Variants in ATXN1 observed in about 807,000 individuals in gnomAD.
The protein encoded by ATXN1 is ataxin 1, also known as ataxin-1.
Under a neutral mutation model 56.4 loss-of-function variants are expected in ATXN1, and 8 were observed. The observed-to-expected ratio is 0.14, with a 90% CI of 0.08 to 0.26. The LOEUF is 0.26. ATXN1 is among the 10% of genes least tolerant of loss of function. The pLI is 1.00. For synonymous variants in ATXN1, 514 were observed against 494.6 expected, an observed-to-expected ratio of 1.04 and a Z score of -0.52; for missense variants, 987 against 1,106.5, an observed-to-expected ratio of 0.89 and a Z score of 1.53.
intron 5 of ATXN1, among the ~76,000 whole-genome samples, chr6:16,495,600 C>T (rs768312058): frequency 7.2e-5 from 11 of 152,298 alleles, no homozygotes; most frequent in South Asian, 6.2e-4. Context: ...TGGTGGCTTA[C>T]GCCTATAATC....
intron 2 of ATXN1, among the ~76,000 whole-genome samples, chr6:16,729,665 G>A (rs79996628): frequency 0.046 from 6,975 of 152,228 alleles, 274 homozygotes; most frequent in Admixed American, 0.12. Flanking sequence ...TGAGTTGGGG[G>A]AACCTACCAA....
chr6:16,337,369 C>G (rs1482551187), intron 6 of ATXN1, among the ~76,000 whole-genome samples: 1 of 152,178 alleles, frequency 6.6e-6, no homozygotes. Context: ...GCTGGAGGAT[C>G]AGCCTGGATG....
chr6:16,401,550 T>G (rs1355347826), intron 6 of ATXN1, among the ~76,000 whole-genome samples: 1 of 152,184 alleles, frequency 6.6e-6, no homozygotes, highest in Non-Finnish European at 1.5e-5. Context: ...GGACTTTTAG[T>G]TGGGGCAGAT....
At chr6:16,391,534 C>T (rs1302509772) in intron 6 of ATXN1, among the ~76,000 whole-genome samples, 1 of 152,174 alleles carries the variant, frequency 6.6e-6, no homozygotes, top group Non-Finnish European at 1.5e-5. Context: ...ACATGTTTCT[C>T]TGTGACGGAG....
chr6:16,444,396 C>T (rs1759592120), intron 6 of ATXN1, among the ~76,000 whole-genome samples: 1 of 152,152 alleles, frequency 6.6e-6, no homozygotes, highest in Non-Finnish European at 1.5e-5. Context: ...TCAAAGACAG[C>T]CAGTATTGGA....
intron 4 of ATXN1, among the ~76,000 whole-genome samples, chr6:16,557,742 G>A (rs1762040638): frequency 6.6e-6 from 1 of 152,194 alleles, no homozygotes; most frequent in African/African-American, 2.4e-5. Flanking sequence ...GCACTTTAGT[G>A]GGAGGAAGGA....
chr6:16,531,035 T>G (rs1022776031), intron 4 of ATXN1, among the ~76,000 whole-genome samples: 5 of 152,206 alleles, frequency 3.3e-5, no homozygotes, highest in Non-Finnish European at 5.9e-5. Flanking sequence ...GGTCAAGGTA[T>G]TGAAGAGAAT....
intron 4 of ATXN1, among the ~76,000 whole-genome samples, chr6:16,524,454 C>T (rs1253505033): frequency 6.6e-6 from 1 of 152,218 alleles, no homozygotes; most frequent in Non-Finnish European, 1.5e-5. Context: ...GACGAGACGT[C>T]TACAGTACGA....
chr6:16,315,790 G>T (rs1372017163), intron 7 of ATXN1, among the ~76,000 whole-genome samples: 1 of 152,106 alleles, frequency 6.6e-6, no homozygotes, highest in Non-Finnish European at 1.5e-5. Flanking sequence ...AGCCGCCTGA[G>T]TAGTTGGGAC....
Position 16,613,932 on chromosome 6 carries a change from T to C in ATXN1, c.-488-28025A>G, listed in dbSNP as rs551352782. ...AAAATCCTGATCAAAAAAATTATTA[T>C]AGACAAACTTTTAGGGGTGGGGAGG... On this transcript the variant is annotated intron_variant, in intron 3 of 7. Coordinates refer to ENST00000436367, the MANE Select transcript of ATXN1 (RefSeq NM_001128164.2). Among the ~76,000 whole-genome samples the C allele has an allele frequency of 2.4e-4, 36 of 152,010 alleles. No homozygotes were observed. In the East Asian group the frequency reaches 6.4e-3, roughly 27 times the overall value.
At chr6:16,489,981 C>A (rs1182216928) in intron 5 of ATXN1, among the ~76,000 whole-genome samples, 1 of 152,012 alleles carries the variant, frequency 6.6e-6, no homozygotes, top group East Asian at 1.9e-4. Context: ...GGTCCAGGGA[C>A]CAGACTTTGA....
At chr6:16,323,982 A>G (rs973656211) in intron 7 of ATXN1, among the ~76,000 whole-genome samples, 1 of 152,056 alleles carries the variant, frequency 6.6e-6, no homozygotes, top group African/African-American at 2.4e-5. Flanking sequence ...GGGCCCTTCC[A>G]AAGACTGTAA....
chr6:16,320,529 G>A (rs2113397201), intron 7 of ATXN1, among the ~76,000 whole-genome samples: 1 of 152,350 alleles, frequency 6.6e-6, no homozygotes, highest in South Asian at 2.1e-4. Context: ...CAAATGCTGT[G>A]TACTCTTCAG....
At position 16,442,499 on chromosome 6, in the gene ATXN1, G is replaced by A. The variant is rs557965588; in HGVS notation, c.-161+43473C>T. Among the ~76,000 whole-genome samples the A allele has an allele frequency of 3.3e-5, 5 of 151,854 alleles. No homozygotes were observed. In the East Asian group the frequency reaches 7.7e-4, roughly 23 times the overall value. ...TAGTATAATGATTAAAAAAAAACAC[G>A]CGGGAAGAATATGAAAGGAACGAAA... is the stretch of plus-strand genomic sequence containing the variant. On this transcript the variant is annotated intron_variant, in intron 6 of 7. Coordinates refer to ENST00000436367, the MANE Select transcript of ATXN1 (RefSeq NM_001128164.2).
At chr6:16,480,210 T>G (rs1561718239) in intron 6 of ATXN1, among the ~76,000 whole-genome samples, 2 of 149,274 alleles carry the variant, frequency 1.3e-5, no homozygotes, top group Non-Finnish European at 3.0e-5. Context: ...AATGGTGGCC[T>G]GGTGGCCATG....
intron 2 of ATXN1, among the ~76,000 whole-genome samples, chr6:16,710,323 C>T (rs1759495984): frequency 1.3e-5 from 2 of 152,084 alleles, no homozygotes; most frequent in Non-Finnish European, 1.5e-5. Context: ...GAAAGATATA[C>T]CGTGTTTTTG....
At chr6:16,540,853 T>G (rs927869484) in intron 4 of ATXN1, among the ~76,000 whole-genome samples, 8 of 152,208 alleles carry the variant, frequency 5.3e-5, no homozygotes, top group African/African-American at 1.7e-4. Context: ...TTCAATACCG[T>G]GTTCATAGAG....
At chr6:16,691,879 A>C (rs115697918) in intron 2 of ATXN1, among the ~76,000 whole-genome samples, 2,268 of 152,284 alleles carry the variant, frequency 0.015, 47 homozygotes, top group African/African-American at 0.051. Context: ...TGGAATTAGC[A>C]CCTTTATCAA....
chr6:16,399,786 C>T (rs1300142676), intron 6 of ATXN1, among the ~76,000 whole-genome samples: 1 of 152,210 alleles, frequency 6.6e-6, no homozygotes, highest in Non-Finnish European at 1.5e-5. Flanking sequence ...CCCCCTCCAT[C>T]TCCCTGCTTC....
Sources: gnomAD v4.1 joint callset for allele counts (sites outside exome capture counted in the v4.1 genomes callset) on GRCh38, gnomAD v4.1.1 for gene constraint, MANE v1.5 for transcripts, NCBI Gene and HGNC (gene_info 2026-07-23, HGNC 2026-07-21) for gene names.